The following SLFN12L variants were observed in gnomAD, a reference collection of about 807,000 sequenced individuals.
SLFN12L encodes schlafen family member 12 like.
Under a neutral mutation model 34.8 loss-of-function variants are expected in SLFN12L, and 34 were observed. The observed-to-expected ratio is 0.98, with a 90% CI of 0.74 to 1.30. The LOEUF (loss-of-function observed/expected upper bound fraction) is 1.30, where lower values mean the gene tolerates loss of function less well. Ranked by LOEUF, SLFN12L falls within the 50% of genes most tolerant of loss-of-function variation. The pLI, the probability that SLFN12L is intolerant of heterozygous loss-of-function variation, is 0.00. For synonymous variants in SLFN12L, 259 were observed against 247.5 expected, an observed-to-expected ratio of 1.05 and a Z score of -0.44; for missense variants, 703 against 696.2, an observed-to-expected ratio of 1.01 and a Z score of -0.11.
intron 2 of SLFN12L, among the ~76,000 whole-genome samples, chr17:35,484,554 C>G (rs1597838428): frequency 6.6e-6 from 1 of 152,180 alleles, no homozygotes; most frequent in East Asian, 1.9e-4. Context: ...CCAGACTGGA[C>G]AGAACTACTA....
chr17:35,520,978 C>T (rs1414867220), intron 2 of SLFN12L, among the ~76,000 whole-genome samples: 2 of 152,074 alleles, frequency 1.3e-5, no homozygotes, highest in African/African-American at 4.8e-5. Flanking sequence ...GGATGGCCAG[C>T]CTGCAAGTTG....
Position 35,471,561 on chromosome 17 carries a change from T to A in SLFN12L, c.*3362A>T, listed in dbSNP as rs1674189312. ...GGAATCGCCACACTGTCTTCCACAA[T>A]GGTTGAACTAATTTACATTCCCACC... On this transcript the variant is annotated 3_prime_UTR_variant, in exon 5 of 5. Coordinates refer to ENST00000628453, the MANE Select transcript of SLFN12L (RefSeq NM_001363830.2). 6.6e-6 allele frequency among the ~76,000 whole-genome samples: 1 copy of A among 152,220 alleles called. No homozygotes were observed. The highest frequency in any genetic ancestry group is 1.5e-5 in the Non-Finnish European group (1 of 68,042).
chr17:35,496,567 G>T (rs934105901), intron 2 of SLFN12L, among the ~76,000 whole-genome samples: 1 of 111,766 alleles, frequency 8.9e-6, no homozygotes, highest in African/African-American at 3.4e-5. Context: ...TCATGACCTC[G>T]ACTCCCTTCC....
At chr17:35,489,536 A>C (rs1914746462) in intron 2 of SLFN12L, among the ~76,000 whole-genome samples, 1 of 152,110 alleles carries the variant, frequency 6.6e-6, no homozygotes, top group Non-Finnish European at 1.5e-5. Context: ...CCTGAGCGAC[A>C]GAGTGAAACC....
At position 35,522,315 on chromosome 17, in the gene SLFN12L, T is replaced by G; in HGVS notation, c.50A>C (p.Tyr17Ser). 1 of 1,614,194 alleles carries G rather than the reference T, an allele frequency of 6.2e-7. No individual in the cohort carries two copies. The highest frequency in any genetic ancestry group is 8.5e-7 in the Non-Finnish European group (1 of 1,180,016). Residue 17 changes from tyrosine to serine, a missense_variant, in exon 2 of 5, where the codon TAC becomes TCC. Tyr to Ser is a moderately radical substitution (Grantham distance 144). Coordinates refer to ENST00000628453, the MANE Select transcript of SLFN12L (RefSeq NM_001363830.2). ...CCTCAGAAACTGACTTTCACAAATG[T>G]AGAGAATTCTGTGTGCCTCACAGTG... ...VFHCEAHRIL[Y>S]ICESQFLRNF...
chr17:35,512,062 CA>C (rs1296000498), intron 2 of SLFN12L, among the ~76,000 whole-genome samples: 1 of 152,126 alleles, frequency 6.6e-6, no homozygotes, highest in Non-Finnish European at 1.5e-5. Flanking sequence ...AGCATCACCA[CA>C]GGGACTTGGT....
At chr17:35,496,116 T>C (rs1174206630) in intron 2 of SLFN12L, among the ~76,000 whole-genome samples, 1 of 151,908 alleles carries the variant, frequency 6.6e-6, no homozygotes, top group Non-Finnish European at 1.5e-5. Flanking sequence ...CCCTGGGAAC[T>C]AAGGACGTGA....
chr17:35,494,690 T>C (rs574898322), intron 2 of SLFN12L, among the ~76,000 whole-genome samples: 1 of 152,062 alleles, frequency 6.6e-6, no homozygotes, highest in African/African-American at 2.4e-5. Context: ...TATAGTCAGC[T>C]GATTTAGAAT....
At chr17:35,526,924 G>C (rs1229981341) in intron 1 of SLFN12L, among the ~76,000 whole-genome samples, 1 of 151,910 alleles carries the variant, frequency 6.6e-6, no homozygotes, top group East Asian at 1.9e-4. Flanking sequence ...CTAGGAGCTG[G>C]TTTTTTGAAA....
rs1360723672 is a variant in SLFN12L, at chr17:35,530,430, GGAAGGGAAGGGAA to G, written c.-606+7130_-606+7142del. Among the ~76,000 whole-genome samples the G allele has an allele frequency of 2.2e-3, 20 of 9,130 alleles. 2 individuals are homozygous for G. The highest frequency in any genetic ancestry group is 4.1e-3 in the South Asian group (1 of 244). 6.0% of individuals were successfully genotyped at this position (9,130 alleles called of 152,430 possible). On this transcript the variant is annotated intron_variant, in intron 1 of 4. Coordinates refer to ENST00000628453, the MANE Select transcript of SLFN12L (RefSeq NM_001363830.2). ...GGAAGGAAGGAAGGAAGGAAGGAAG[GGAAGGGAAGGGAA>G]GAAAGAAAGAAAGAAAGAAAGAAAG...
rs900641986 is a variant in SLFN12L at position 35,487,590 on chromosome 17, C to G, written c.87-7395G>C. 3.2e-5 allele frequency: 27 copies of G among 845,270 alleles called. No homozygotes were observed. The Admixed American group carries it at 6.6e-4, about 21-fold the overall frequency. 52.4% of individuals were successfully genotyped at this position (845,270 alleles called of 1,614,324 possible). On this transcript the variant is annotated intron_variant, in intron 2 of 4. Transcript: ENST00000628453. ...ATTCCTTGCAGGCGCTGTGCCAGCGCGGGCCCTTAAGCAACTGAAAGTTAA... is the reference window on the plus strand; with the variant it reads ...ATTCCTTGCAGGCGCTGTGCCAGCGGGGGCCCTTAAGCAACTGAAAGTTAA...
At chr17:35,535,239 G>A (rs970377863) in intron 1 of SLFN12L, among the ~76,000 whole-genome samples, 1 of 148,854 alleles carries the variant, frequency 6.7e-6, no homozygotes, top group Non-Finnish European at 1.5e-5. Context: ...TGCCCAGGCT[G>A]GAGTGCAATG....
At chr17:35,483,378 G>A (rs867436553) in intron 2 of SLFN12L, among the ~76,000 whole-genome samples, 23 of 152,130 alleles carry the variant, frequency 1.5e-4, no homozygotes, top group African/African-American at 2.7e-4. Context: ...CAAAGGTGCC[G>A]CCAGCCACAG....
intron 1 of SLFN12L, among the ~76,000 whole-genome samples, chr17:35,531,164 G>T (rs1682631078): frequency 6.6e-6 from 1 of 152,202 alleles, no homozygotes; most frequent in South Asian, 2.1e-4. Context: ...CAATTTATTT[G>T]ATTAATTAAC....
chr17:35,530,496 GAAAGAAAGAAAGAAAGA>G (rs1567694408), intron 1 of SLFN12L, among the ~76,000 whole-genome samples: 6 of 38,452 alleles, frequency 1.6e-4, no homozygotes, highest in East Asian at 6.5e-4. Context: ...AAGAAAGAAA[GAAAGAAAGAAAGAAAGA>G]AAAGAAAAGA....
At chr17:35,488,594 T>A (rs112934798) in intron 2 of SLFN12L, among the ~76,000 whole-genome samples, 302 of 152,320 alleles carry the variant, frequency 2.0e-3, no homozygotes, top group African/African-American at 7.1e-3. Flanking sequence ...GAACCCATAC[T>A]TTTTGAAATG....
At chr17:35,503,774 C>A (rs565359926) in intron 2 of SLFN12L, among the ~76,000 whole-genome samples, 1 of 152,194 alleles carries the variant, frequency 6.6e-6, no homozygotes, top group Non-Finnish European at 1.5e-5. Context: ...TTCTGGTAAA[C>A]CCGCACCAGC....
Position 35,465,388 on chromosome 17 carries a change from GT to G in SLFN12L, c.*9534del, listed in dbSNP as rs376463258. On this transcript the variant is annotated 3_prime_UTR_variant, in exon 5 of 5. Coordinates refer to ENST00000628453, the MANE Select transcript of SLFN12L (RefSeq NM_001363830.2). Reference sequence around the variant, plus strand: ...TATCTTGATTGAATTGCTCATAGTTGTTGTACTCAGTGCCTTAAAGTATCTC... The same window carrying G: ...TATCTTGATTGAATTGCTCATAGTTGTGTACTCAGTGCCTTAAAGTATCTC... Among the ~76,000 whole-genome samples, 33 of 151,764 alleles carry G rather than the reference GT, an allele frequency of 2.2e-4. No individual in the cohort carries two copies. The East Asian group carries it at 5.2e-3, about 24-fold the overall frequency.
At chr17:35,529,901 T>G (rs2072374369) in intron 1 of SLFN12L, among the ~76,000 whole-genome samples, 2 of 151,170 alleles carry the variant, frequency 1.3e-5, no homozygotes, top group Admixed American at 1.3e-4. Flanking sequence ...ACTATTGAAA[T>G]AATAAAAATA....
Sources: gnomAD v4.1 joint callset for allele counts (sites outside exome capture counted in the v4.1 genomes callset) on GRCh38, gnomAD v4.1.1 for gene constraint, MANE v1.5 for transcripts, NCBI Gene and HGNC (gene_info 2026-07-23, HGNC 2026-07-21) for gene names.